SPMIP8: variants seen among roughly 807,000 people sequenced by gnomAD.
The protein encoded by SPMIP8 is testicular tissue protein Li 196.
the SPMIP8 span, chr16:57,977,735 C>T: frequency 6.7e-7 from 1 of 1,484,970 alleles, no homozygotes; most frequent in Non-Finnish European, 9.2e-7. Context: ...TCGGCACTGG[C>T]CAAGGTTGTT....
chr16:57,987,521 C>G, the SPMIP8 span: 4 of 1,398,888 alleles, frequency 2.9e-6, no homozygotes, highest in African/African-American at 5.9e-5. Context: ...AGCCATCTCC[C>G]CAGGAGTTCA....
At chr16:57,987,132 T>G in the SPMIP8 span, 1 of 406,024 alleles carries the variant, frequency 2.5e-6, no homozygotes, top group Non-Finnish European at 4.4e-6. Context: ...ACAGAGTAGG[T>G]TCACTAAATG....
chr16:57,986,066 C>T, the SPMIP8 span: 1 of 1,276,676 alleles, frequency 7.8e-7, no homozygotes, highest in Non-Finnish European at 1.1e-6. Flanking sequence ...GGAGGAGGGG[C>T]CCTCCTGGGA....
chr16:57,984,131 T>C, the SPMIP8 span, among the ~76,000 whole-genome samples: 1 of 152,242 alleles, frequency 6.6e-6, no homozygotes, highest in Admixed American at 6.5e-5. Flanking sequence ...CTGGAACTCC[T>C]GACCTTAAGT....
chr16:57,984,647 C>G, the SPMIP8 span: 724 of 1,586,630 alleles, frequency 4.6e-4, 7 homozygotes, highest in African/African-American at 8.5e-3. Context: ...ACATCACCGC[C>G]ACAGGCCAGA....
chr16:57,978,565 G>T, the SPMIP8 span, among the ~76,000 whole-genome samples: 31 of 151,942 alleles, frequency 2.0e-4, no homozygotes, highest in African/African-American at 7.5e-4. Context: ...TTAGAGTAGT[G>T]CCTGGCACAT....
At chr16:57,981,383 A>AATAATAATAATAATTATTATT in the SPMIP8 span, among the ~76,000 whole-genome samples, 1 of 52,702 alleles carries the variant, frequency 1.9e-5, no homozygotes, top group South Asian at 6.1e-4. Flanking sequence ...CCGTCTCAAT[A>AATAATAATAATAATTATTATT]ATAATAATAA....
the SPMIP8 span, chr16:57,984,712 A>G: frequency 1.9e-6 from 3 of 1,600,428 alleles, no homozygotes; most frequent in South Asian, 3.4e-5. Flanking sequence ...CCAGGCATCA[A>G]CCGAGTGGAC....
the SPMIP8 span, among the ~76,000 whole-genome samples, chr16:57,977,447 A>C: frequency 1.3e-5 from 2 of 151,490 alleles, no homozygotes; most frequent in East Asian, 1.9e-4. Flanking sequence ...AGAAAAAAAA[A>C]CGAATAGACT....
At chr16:57,987,039 G>C in the SPMIP8 span, 1 of 229,048 alleles carries the variant, frequency 4.4e-6, no homozygotes, top group Non-Finnish European at 8.5e-6. Context: ...TCAGACTATT[G>C]CACTGTCATT....
chr16:57,981,389 A>AATAATAATAATTATTATTATT, the SPMIP8 span, among the ~76,000 whole-genome samples: 294 of 132,902 alleles, frequency 2.2e-3, 4 homozygotes, highest in Non-Finnish European at 3.4e-3. Flanking sequence ...CAATAATAAT[A>AATAATAATAATTATTATTATT]ATAATTATTA....
At chr16:57,983,271 C>G in the SPMIP8 span, among the ~76,000 whole-genome samples, 1 of 151,998 alleles carries the variant, frequency 6.6e-6, no homozygotes, top group African/African-American at 2.4e-5. Context: ...GCTCGAGCCA[C>G]CATACCTGGC....
the SPMIP8 span, among the ~76,000 whole-genome samples, chr16:57,977,275 TGGTG>T: frequency 6.6e-6 from 1 of 151,542 alleles, no homozygotes; most frequent in Non-Finnish European, 1.5e-5. Context: ...TCACATGTGG[TGGTG>T]GATGCCTATA....
At chr16:57,984,924 G>A in the SPMIP8 span, 2 of 1,382,752 alleles carry the variant, frequency 1.4e-6, no homozygotes, top group Non-Finnish European at 1.9e-6. Flanking sequence ...AACAGGGCGG[G>A]GCCGCTGAGA....
the SPMIP8 span, among the ~76,000 whole-genome samples, chr16:57,981,407 A>ATT: frequency 2.8e-4 from 16 of 56,394 alleles, no homozygotes; most frequent in African/African-American, 5.4e-4. Context: ...TTATTATTAT[A>ATT]ATAATAATTA....
the SPMIP8 span, chr16:57,978,039 G>C: frequency 1.2e-6 from 2 of 1,613,012 alleles, no homozygotes; most frequent in Non-Finnish European, 8.5e-7. Context: ...CTGCCGCAAA[G>C]GTTAGGACAC....
At chr16:57,987,813 C>T in the SPMIP8 span, 13 of 202,368 alleles carry the variant, frequency 6.4e-5, no homozygotes, top group African/African-American at 2.8e-4. Context: ...CCCAAGCCCC[C>T]TCCATTTCAG....
At chr16:57,984,378 G>T in the SPMIP8 span, 1 of 1,614,200 alleles carries the variant, frequency 6.2e-7, no homozygotes, top group Non-Finnish European at 8.5e-7. Context: ...AGTGTCCTTT[G>T]CCCTGCCCTT....
chr16:57,986,098 G>A, the SPMIP8 span: 10 of 877,434 alleles, frequency 1.1e-5, no homozygotes, highest in Non-Finnish European at 1.5e-5. Flanking sequence ...GCTTCGCTCT[G>A]GAGAGATCCG....
Sources: gnomAD v4.1 joint callset for allele counts (sites outside exome capture counted in the v4.1 genomes callset) on GRCh38, gnomAD v4.1.1 for gene constraint, MANE v1.5 for transcripts, NCBI Gene and HGNC (gene_info 2026-07-23, HGNC 2026-07-21) for gene names.